The following BPHL variants were observed in gnomAD, a reference collection of about 807,000 sequenced individuals.
BPHL encodes the protein serine hydrolase BPHL.
BPHL carries 27 observed loss-of-function variants against 31.2 expected under a neutral mutation model. The ratio of observed to expected loss-of-function variants is 0.87; its 90% CI spans 0.64 to 1.19. The LOEUF (loss-of-function observed/expected upper bound fraction) is 1.19, where lower values mean the gene tolerates loss of function less well. Ranked by LOEUF, BPHL falls within the 50% of genes most tolerant of loss-of-function variation. The pLI is 0.00. For missense variants in BPHL, 356 were observed against 375.7 expected (o/e 0.95, Z 0.43); for synonymous variants, 150 against 146.8 (o/e 1.02, Z -0.16).
Position 3,140,894 on chromosome 6 carries a change from T to TG in BPHL, c.788+385_788+386insG, listed in dbSNP as rs1762156163. Among the ~76,000 whole-genome samples, 1 of 152,168 alleles carries TG rather than the reference T, an allele frequency of 6.6e-6. No individual in the cohort carries two copies. The highest frequency in any genetic ancestry group is 1.9e-4 in the East Asian group (1 of 5,200). On this transcript the variant is annotated intron_variant, in intron 6 of 6. Coordinates refer to ENST00000380379, the MANE Select transcript of BPHL (RefSeq NM_004332.4). The surrounding 1 kb of genome is among the most constrained non-coding windows in gnomAD (Gnocchi z 5.2). ...ATTATAAAAGCACTGACCACCCAAT[T>TG]TAAAAAAATCTGTTAAACCAAATTT... is the stretch of plus-strand genomic sequence containing the variant.
intron 4 of BPHL, among the ~76,000 whole-genome samples, chr6:3,130,087 G>A (rs1043106225): frequency 1.3e-5 from 2 of 152,172 alleles, no homozygotes; most frequent in Non-Finnish European, 2.9e-5. Context: ...GATTACCAGC[G>A]TGAGCCCCCA....
chr6:3,125,047 TA>T (rs1761678092), intron 2 of BPHL, among the ~76,000 whole-genome samples: 1 of 150,344 alleles, frequency 6.7e-6, no homozygotes, highest in African/African-American at 2.5e-5. Flanking sequence ...CTTACCAATT[TA>T]ATTTTTTTTT....
intron 5 of BPHL, 76 bp downstream of exon 5, chr6:3,137,569 C>A: frequency 6.3e-7 from 1 of 1,576,712 alleles, no homozygotes; most frequent in Non-Finnish European, 8.7e-7. Flanking sequence ...TCTGGAATTG[C>A]TCAGTGATTC....
intron 5 of BPHL, chr6:3,138,163 C>T (rs767652856): frequency 1.2e-5 from 5 of 406,460 alleles, no homozygotes; most frequent in South Asian, 3.9e-5. Context: ...GGACCACAGG[C>T]GTGCACCACC....
chr6:3,128,986 G>C, intron 3 of BPHL, 59 bp from the exon 4 acceptor site: 2 of 1,609,082 alleles, frequency 1.2e-6, no homozygotes, highest in Non-Finnish European at 1.7e-6. Context: ...TAGTGATTCA[G>C]TTTCTTTTAA....
rs766893437 is a variant in BPHL, at chr6:3,118,782, G to A, written c.42G>A (p.Arg14=). The change falls in exon 1 of 7, where the codon CGG becomes CGA. Residue 14 remains arginine (R), a synonymous_variant. Coordinates refer to ENST00000380379, the MANE Select transcript of BPHL (RefSeq NM_004332.4). ...GCGGCCGGGGCGTGTTGCGCCTGCG[G>A]CTGCTTCTCTCAGCGCTGAAGCCCG... is the stretch of plus-strand genomic sequence containing the variant. The part of the protein sequence containing the change: ...VLGGRGVLRL[R]LLLSALKPGI... The A allele has an allele frequency of 2.4e-6, 3 of 1,252,040 alleles. No homozygotes were observed. In the South Asian group the frequency reaches 1.1e-4, roughly 46 times the overall value. The allele number at this position is 1,252,040 out of a possible 1,614,324, so 77.6% of individuals were successfully genotyped here.
intron 6 of BPHL, among the ~76,000 whole-genome samples, chr6:3,151,505 A>G (rs927742350): frequency 6.6e-6 from 1 of 152,148 alleles, no homozygotes; most frequent in Admixed American, 6.5e-5. Context: ...GCATCTTCCA[A>G]GCACAGCTCC....
In BPHL at chr6:3,118,763, G is replaced by A; in HGVS notation, c.23G>A (p.Arg8Gln). 2 of 1,256,552 alleles carry A rather than the reference G, an allele frequency of 1.6e-6. No homozygotes were observed. The highest frequency in any genetic ancestry group is 2.0e-6 in the Non-Finnish European group (2 of 996,746). The allele number at this position is 1,256,552 out of a possible 1,614,324, so 77.8% of individuals were successfully genotyped here. Reference sequence around the variant, plus strand: ...ACCATGGTGGCTGTGCTGGGCGGCCGGGGCGTGTTGCGCCTGCGGCTGCTT... The same window carrying A: ...ACCATGGTGGCTGTGCTGGGCGGCCAGGGCGTGTTGCGCCTGCGGCTGCTT... MVAVLGG[R>Q]GVLRLRLLLS... Residue 8 changes from arginine (R) to glutamine (Q), a missense_variant, in exon 1 of 7, where the codon CGG becomes CAG. Transcript: ENST00000380379.
Position 3,130,493 on chromosome 6 carries a change from C to A in BPHL, c.532+1295C>A, listed in dbSNP as rs116623314. Among the ~76,000 whole-genome samples the A allele has an allele frequency of 7.6e-3, 1,162 of 152,240 alleles. 9 individuals are homozygous for A. The highest frequency in any genetic ancestry group is 0.027 in the African/African-American group (1,112 of 41,536). ...GCGTTACCCTACTACCCCCACCTGCCAGCCTGGCCCACCAGGACCCTCTTC... is the reference window on the plus strand; with the variant it reads ...GCGTTACCCTACTACCCCCACCTGCAAGCCTGGCCCACCAGGACCCTCTTC... On this transcript the variant is annotated intron_variant, in intron 4 of 6. Coordinates refer to ENST00000380379, the MANE Select transcript of BPHL (RefSeq NM_004332.4).
intron 2 of BPHL, among the ~76,000 whole-genome samples, chr6:3,126,067 C>T (rs527887868): frequency 6.6e-6 from 1 of 152,306 alleles, no homozygotes; most frequent in South Asian, 2.1e-4. Context: ...GGCCAAGCTC[C>T]CTGCAGGCCC....
In BPHL at chr6:3,140,594, A is replaced by G. The variant is rs1762148576; in HGVS notation, c.788+85A>G. 3.2e-6 allele frequency: 5 copies of G among 1,580,964 alleles called. No individual in the cohort carries two copies. In the Admixed American group the frequency reaches 8.7e-5, roughly 27 times the overall value. Reference sequence around the variant, plus strand: ...TACTGGAAGGAAAATAACCAAGAGGAGTTGGAGTTTTAGAGTGCACAGCCC... The same window carrying G: ...TACTGGAAGGAAAATAACCAAGAGGGGTTGGAGTTTTAGAGTGCACAGCCC... On this transcript the variant is annotated intron_variant, in intron 6 of 6. Coordinates refer to ENST00000380379, the MANE Select transcript of BPHL (RefSeq NM_004332.4). The surrounding 1 kb of genome is among the most constrained non-coding windows in gnomAD (Gnocchi z 5.2).
chr6:3,127,057 G>A (rs1044962576), intron 2 of BPHL, 185 bp from the exon 3 acceptor site: 9 of 401,632 alleles, frequency 2.2e-5, no homozygotes, highest in South Asian at 9.9e-5. Flanking sequence ...AGGCGCACCC[G>A]GTCAGCCTGC....
chr6:3,140,578 GA>G lies in BPHL; in HGVS notation c.788+73del. On this transcript the variant is annotated intron_variant, in intron 6 of 6. Coordinates refer to ENST00000380379, the MANE Select transcript of BPHL (RefSeq NM_004332.4). The surrounding 1 kb of genome is among the most constrained non-coding windows in gnomAD (Gnocchi z 5.2). Reference sequence around the variant, plus strand: ...AGTCAATGGGCAAAGCTACTGGAAGGAAAATAACCAAGAGGAGTTGGAGTTT... The same window carrying G: ...AGTCAATGGGCAAAGCTACTGGAAGGAAATAACCAAGAGGAGTTGGAGTTT... The G allele has an allele frequency of 6.3e-7, 1 of 1,596,570 alleles. No homozygotes were observed.
chr6:3,142,723 G>A (rs1250223873), intron 6 of BPHL, among the ~76,000 whole-genome samples: 2 of 152,040 alleles, frequency 1.3e-5, no homozygotes, highest in African/African-American at 4.8e-5. Flanking sequence ...ATGTATGATG[G>A]TAACATGCCT....
rs1581494987 is a variant in BPHL at position 3,152,846 on chromosome 6, G to C, written c.*271G>C. The C allele has an allele frequency of 1.1e-5, 3 of 283,564 alleles. No individual in the cohort carries two copies. The East Asian group carries it at 2.1e-4, about 20-fold the overall frequency. 17.6% of individuals were successfully genotyped at this position (283,564 alleles called of 1,614,324 possible). Reference sequence around the variant, plus strand: ...GTTCAAGACCAGCTTGTGCAATATAGGGAGACTCCGGCTCTACAAAAAAGA... The same window carrying C: ...GTTCAAGACCAGCTTGTGCAATATACGGAGACTCCGGCTCTACAAAAAAGA... On this transcript the variant is annotated 3_prime_UTR_variant, in exon 7 of 7. Transcript: ENST00000380379.
At chr6:3,143,505 T>C (rs1173870839) in intron 6 of BPHL, among the ~76,000 whole-genome samples, 1 of 152,230 alleles carries the variant, frequency 6.6e-6, no homozygotes, top group Admixed American at 6.5e-5. Context: ...TTTTAAAATG[T>C]GTTTTTAGTC....
At chr6:3,141,165 G>A (rs6935494) in intron 6 of BPHL, among the ~76,000 whole-genome samples, 146,502 of 152,356 alleles carry the variant, frequency 0.96, 70,479 homozygotes, top group East Asian at 1. Flanking sequence ...ATAATGGATA[G>A]TGCTATATCC....
At chr6:3,124,469 A>G (rs1004413879) in intron 2 of BPHL, among the ~76,000 whole-genome samples, 1 of 151,990 alleles carries the variant, frequency 6.6e-6, no homozygotes, top group Non-Finnish European at 1.5e-5. Context: ...TTCCTGGGGG[A>G]CTGGATCCAG....
chr6:3,125,479 C>T (rs1015726382), intron 2 of BPHL, among the ~76,000 whole-genome samples: 2 of 152,180 alleles, frequency 1.3e-5, no homozygotes, highest in African/African-American at 4.8e-5. Flanking sequence ...ATGTTACATG[C>T]TGATAACTAT....
Sources: allele counts gnomAD v4.1 joint callset (sites outside exome capture counted in the v4.1 genomes callset), GRCh38; gene constraint gnomAD v4.1.1; non-coding constraint Gnocchi (gnomAD v3.1); transcripts MANE v1.5; gene names NCBI Gene and HGNC (gene_info 2026-07-23, HGNC 2026-07-21).